ARID3B: variants seen among roughly 807,000 people sequenced by gnomAD.
ARID3B encodes the protein AT-rich interaction domain 3B, also known as AT-rich interactive domain-containing protein 3B.
In ARID3B, 10 loss-of-function variants were observed where a neutral mutation model predicts 51.9. That is an observed-to-expected ratio of 0.19 (90% CI 0.12 to 0.33). The LOEUF is 0.33. Among genes scored for constraint, ARID3B ranks in the 10% least tolerant of loss-of-function variants. The pLI is 1.00. For synonymous variants in ARID3B, 205 were observed against 279.5 expected (o/e 0.73, Z 2.66); for missense variants, 483 against 716.3 (o/e 0.67, Z 3.72).
rs2061825995 is a variant in ARID3B, at chr15:74,596,506, C to T, written c.*732C>T. The stretch of plus-strand genomic sequence containing the variant: ...ACACGGACCATTCTCTGACCGCCCC[C>T]GCCAAACCTCATGCTCCCCACTTGC... On this transcript the variant is annotated 3_prime_UTR_variant, in exon 9 of 9. Coordinates refer to ENST00000346246, the MANE Select transcript of ARID3B (RefSeq NM_006465.4). The T allele has an allele frequency of 8.6e-6, 2 of 233,518 alleles. No individual in the cohort carries two copies. The highest frequency in any genetic ancestry group is 1.8e-4 in the South Asian group (1 of 5,546). The allele number at this position is 233,518 out of a possible 1,614,324, so 14.5% of individuals were successfully genotyped here. A position where few individuals can be genotyped will look rare whatever the true frequency, so the allele number is the denominator to read the frequency against.
At position 74,557,467 on chromosome 15, in the gene ARID3B, C is replaced by T. The variant is rs556961070; in HGVS notation, c.552+12979C>T. On this transcript the variant is annotated intron_variant, in intron 2 of 8. Transcript: ENST00000346246. The stretch of plus-strand genomic sequence containing the variant: ...CTTTCAAAAAATCTTTTTATTTTGC[C>T]CTCACTTTTGTACAGTTGTTCATAG... Among the ~76,000 whole-genome samples the T allele has an allele frequency of 2.1e-3, 320 of 151,954 alleles. 1 individual carries two copies. The highest frequency in any genetic ancestry group is 7.4e-3 in the African/African-American group (307 of 41,496).
Position 74,597,372 on chromosome 15 carries a change from C to T in ARID3B, c.*1598C>T, listed in dbSNP as rs946272876. The T allele has an allele frequency of 2.3e-6, 1 of 433,256 alleles. No homozygotes were observed. The highest frequency in any genetic ancestry group is 4.4e-6 in the Non-Finnish European group (1 of 229,096). 26.8% of individuals were successfully genotyped at this position (433,256 alleles called of 1,614,324 possible). A position where few individuals can be genotyped will look rare whatever the true frequency, so the allele number is the denominator to read the frequency against. On this transcript the variant is annotated 3_prime_UTR_variant, in exon 9 of 9. Transcript: ENST00000346246. ...CGTGGGTGTGTGTGGCAGCGTGGCT[C>T]GCATTCAGTCCTGTGTAGGAGAGGA...
intron 2 of ARID3B, among the ~76,000 whole-genome samples, chr15:74,558,771 A>G (rs540431293): frequency 6.6e-6 from 1 of 151,966 alleles, no homozygotes; most frequent in Non-Finnish European, 1.5e-5. Context: ...TTTTTTTTCC[A>G]GTGTAAATTC....
chr15:74,560,961 T>A lies in ARID3B; in HGVS notation c.553-11901T>A, dbSNP rs140939953. Among the ~76,000 whole-genome samples the A allele has an allele frequency of 3.2e-4, 48 of 152,330 alleles. No individual in the cohort carries two copies. The East Asian group carries it at 9.2e-3, about 29-fold the overall frequency. The stretch of plus-strand genomic sequence containing the variant: ...TTCCCAAACCCTTGTCAACATTGGT[T>A]ATTATCAGTCCTTTTATTTTTGCTG... On this transcript the variant is annotated intron_variant, in intron 2 of 8. Transcript: ENST00000346246.
intron 2 of ARID3B, among the ~76,000 whole-genome samples, chr15:74,547,145 G>C (rs1477560976): frequency 6.6e-6 from 1 of 151,880 alleles, no homozygotes; most frequent in East Asian, 1.9e-4. Flanking sequence ...AATTGACACA[G>C]ATCTTTCCCC....
At chr15:74,563,032 T>G (rs187963593) in intron 2 of ARID3B, among the ~76,000 whole-genome samples, 1 of 152,336 alleles carries the variant, frequency 6.6e-6, no homozygotes, top group Admixed American at 6.5e-5. Flanking sequence ...CCCCCCAGAT[T>G]ATTCACTTAG....
At chr15:74,583,735 C>A (rs1195680490) in intron 4 of ARID3B, among the ~76,000 whole-genome samples, 1 of 151,088 alleles carries the variant, frequency 6.6e-6, no homozygotes, top group Admixed American at 6.6e-5. Context: ...AAAAAAAGTT[C>A]TTTATTTTGA....
intron 2 of ARID3B, among the ~76,000 whole-genome samples, chr15:74,552,034 C>T: frequency 6.8e-6 from 1 of 147,302 alleles, no homozygotes; most frequent in Non-Finnish European, 1.5e-5. Context: ...ATTTTCTTTT[C>T]CTTTTCTTTT....
chr15:74,575,747 G>A (rs112931401), intron 4 of ARID3B, among the ~76,000 whole-genome samples: 11 of 152,092 alleles, frequency 7.2e-5, no homozygotes, highest in African/African-American at 2.7e-4. Context: ...CAGCACTTAC[G>A]TCAGGTATTT....
intron 2 of ARID3B, among the ~76,000 whole-genome samples, chr15:74,560,274 G>A (rs1392647227): frequency 6.6e-6 from 1 of 151,374 alleles, no homozygotes; most frequent in Non-Finnish European, 1.5e-5. Flanking sequence ...GCAATTTAAA[G>A]TATTACTTTA....
At chr15:74,570,035 CAA>C (rs767854516) in intron 2 of ARID3B, among the ~76,000 whole-genome samples, 4 of 152,252 alleles carry the variant, frequency 2.6e-5, no homozygotes, top group African/African-American at 7.2e-5. Context: ...TGGGATTACT[CAA>C]AGAGTTCGGT....
chr15:74,587,074 G>A (rs1344959884), intron 4 of ARID3B, among the ~76,000 whole-genome samples: 8 of 152,246 alleles, frequency 5.3e-5, no homozygotes, highest in African/African-American at 1.9e-4. Context: ...GATCTTCTAA[G>A]GGAGTGTTGA....
chr15:74,587,706 T>C (rs1358619584), intron 4 of ARID3B, among the ~76,000 whole-genome samples: 1 of 152,142 alleles, frequency 6.6e-6, no homozygotes, highest in Non-Finnish European at 1.5e-5. Flanking sequence ...AGGTCGACGT[T>C]AGCCCTGTCC....
chr15:74,568,212 TAAAGC>T (rs902865067), intron 2 of ARID3B, among the ~76,000 whole-genome samples: 3 of 152,210 alleles, frequency 2.0e-5, no homozygotes, highest in Non-Finnish European at 4.4e-5. Flanking sequence ...AGCCATGAGA[TAAAGC>T]AAAGATAAAA....
intron 2 of ARID3B, among the ~76,000 whole-genome samples, chr15:74,570,762 C>CT (rs1324690335): frequency 6.6e-6 from 1 of 152,224 alleles, no homozygotes; most frequent in African/African-American, 2.4e-5. Flanking sequence ...GAATGTAACT[C>CT]TGTCTGGTTT....
At chr15:74,545,772 C>G (rs1480513644) in intron 2 of ARID3B, among the ~76,000 whole-genome samples, 1 of 152,218 alleles carries the variant, frequency 6.6e-6, no homozygotes, top group Non-Finnish European at 1.5e-5. Flanking sequence ...GAGGTCTGTA[C>G]AGTAGATCTG....
chr15:74,592,215 G>A (rs1388346340), intron 7 of ARID3B, among the ~76,000 whole-genome samples: 1 of 152,200 alleles, frequency 6.6e-6, no homozygotes, highest in Non-Finnish European at 1.5e-5. Flanking sequence ...CTCAGCGAGG[G>A]GCCAAGTTGC....
At position 74,596,766 on chromosome 15, in the gene ARID3B, T is replaced by A. The variant is rs1427029864; in HGVS notation, c.*992T>A. On this transcript the variant is annotated 3_prime_UTR_variant, in exon 9 of 9. Coordinates refer to ENST00000346246, the MANE Select transcript of ARID3B (RefSeq NM_006465.4). Reference sequence around the variant, plus strand: ...TCAGGAAGTATTTGCATCTCTGAAATCTTTTTTATATGTGTTTTGCTGACT... The same window carrying A: ...TCAGGAAGTATTTGCATCTCTGAAAACTTTTTTATATGTGTTTTGCTGACT... 1 of 233,372 alleles carries A rather than the reference T, an allele frequency of 4.3e-6. No homozygotes were observed. The highest frequency in any genetic ancestry group is 2.2e-5 in the African/African-American group (1 of 45,222). 14.5% of individuals were successfully genotyped at this position (233,372 alleles called of 1,614,324 possible).
Position 74,591,451 on chromosome 15 carries a change from G to A in ARID3B, c.1165+17G>A. ...TCAGGAAAGGTCAGCAGGGCTCCTG[G>A]GGGAGAAGGAAGAAAGGGAGGAAGG... is the stretch of plus-strand genomic sequence containing the variant. On this transcript the variant is annotated intron_variant, in intron 6 of 8. Coordinates refer to ENST00000346246, the MANE Select transcript of ARID3B (RefSeq NM_006465.4). This position sits in a 1 kb window ranked among gnomAD's most constrained non-coding sequence, Gnocchi z 5.8. 1 of 1,598,248 alleles carries A rather than the reference G, an allele frequency of 6.3e-7. No individual in the cohort carries two copies. Among genetic ancestry groups the A allele is most frequent in the African/African-American group, 1.3e-5 (1 of 74,640 alleles).
Sources: gnomAD v4.1 joint callset for allele counts (sites outside exome capture counted in the v4.1 genomes callset) on GRCh38, gnomAD v4.1.1 for gene constraint, Gnocchi (gnomAD v3.1) non-coding constraint, MANE v1.5 for transcripts, NCBI Gene and HGNC (gene_info 2026-07-23, HGNC 2026-07-21) for gene names.